Variants in PIK3C2G observed in about 807,000 individuals in gnomAD.
PIK3C2G encodes the protein phosphatidylinositol 3-kinase C2 domain-containing subunit gamma.
A neutral mutation model predicts 181.1 loss-of-function variants in PIK3C2G; 168 were observed. That is an observed-to-expected ratio of 0.93 (90% CI 0.82 to 1.05). PIK3C2G has a LOEUF of 1.05. PIK3C2G is among the 50% of genes least tolerant of loss of function. The pLI, the probability that PIK3C2G is intolerant of heterozygous loss-of-function variation, is 0.00. For synonymous variants in PIK3C2G, 573 were observed against 592.2 expected (o/e 0.97, Z 0.47); for missense variants, 1,869 against 1,732.8 (o/e 1.08, Z -1.40).
chr12:18,652,238 C>T (rs980547), downstream of PIK3C2G, among the ~76,000 whole-genome samples: 9 of 151,926 alleles, frequency 5.9e-5, no homozygotes, highest in East Asian at 1.2e-3. Context: ...TCCCCTAATT[C>T]GCCAGTCCCA....
At chr12:18,449,474 C>A (rs1487269761) in intron 18 of PIK3C2G, among the ~76,000 whole-genome samples, 1 of 151,906 alleles carries the variant, frequency 6.6e-6, no homozygotes, top group Non-Finnish European at 1.5e-5. Flanking sequence ...CACAACAGGC[C>A]CCAATGTGTG....
chr12:18,530,543 A>G (rs1237489805), intron 24 of PIK3C2G, among the ~76,000 whole-genome samples: 1 of 152,088 alleles, frequency 6.6e-6, no homozygotes, highest in Non-Finnish European at 1.5e-5. Context: ...ATCCATAACC[A>G]CTTGATCTGG....
chr12:18,345,297 A>G (rs529439912), intron 10 of PIK3C2G, among the ~76,000 whole-genome samples: 25 of 152,286 alleles, frequency 1.6e-4, no homozygotes, highest in African/African-American at 5.8e-4. Context: ...CGCTTCATTA[A>G]TTGCTACTGC....
chr12:18,675,101 A>G, the PIK3C2G span, among the ~76,000 whole-genome samples: 4 of 152,308 alleles, frequency 2.6e-5, no homozygotes, highest in East Asian at 5.8e-4. Flanking sequence ...AATGTGATTA[A>G]TAATGTGGCT....
the PIK3C2G span, among the ~76,000 whole-genome samples, chr12:18,708,345 C>G: frequency 6.6e-6 from 1 of 152,054 alleles, no homozygotes; most frequent in East Asian, 1.9e-4. Context: ...ATGGAAAGAT[C>G]TCATTCTTTG....
intron 5 of PIK3C2G, among the ~76,000 whole-genome samples, chr12:18,307,003 G>A (rs753735563): frequency 2.7e-5 from 4 of 150,172 alleles, no homozygotes; most frequent in Non-Finnish European, 5.9e-5. Flanking sequence ...AAAGAGCATC[G>A]CTTTTAAATG....
At chr12:18,677,179 A>T in the PIK3C2G span, among the ~76,000 whole-genome samples, 1 of 152,098 alleles carries the variant, frequency 6.6e-6, no homozygotes, top group Non-Finnish European at 1.5e-5. Flanking sequence ...CCAACAGCAG[A>T]TCCTGGTCAG....
At chr12:18,616,460 C>T (rs896139487) in intron 31 of PIK3C2G, among the ~76,000 whole-genome samples, 2 of 152,010 alleles carry the variant, frequency 1.3e-5, no homozygotes, top group Admixed American at 6.6e-5. Context: ...ATACTTGACA[C>T]TAAACTAAGG....
At chr12:18,281,039 C>G (rs1949191220) in intron 1 of PIK3C2G, among the ~76,000 whole-genome samples, 1 of 151,806 alleles carries the variant, frequency 6.6e-6, no homozygotes, top group Middle Eastern at 3.4e-3. Context: ...GGAATAAGAG[C>G]AGATTCTTGG....
intron 29 of PIK3C2G, among the ~76,000 whole-genome samples, chr12:18,579,387 A>G (rs1201459600): frequency 6.6e-6 from 1 of 152,198 alleles, no homozygotes; most frequent in Non-Finnish European, 1.5e-5. Flanking sequence ...AAGCAGTCTT[A>G]CTTTTGCCAA....
At chr12:18,499,959 T>C (rs1334096968) in intron 22 of PIK3C2G, among the ~76,000 whole-genome samples, 1 of 152,232 alleles carries the variant, frequency 6.6e-6, no homozygotes, top group Non-Finnish European at 1.5e-5. Context: ...CTGCTATAAA[T>C]ACCTGTGAGA....
intron 18 of PIK3C2G, among the ~76,000 whole-genome samples, chr12:18,473,151 T>C (rs1938612825): frequency 6.6e-6 from 1 of 152,072 alleles, no homozygotes; most frequent in African/African-American, 2.4e-5. Context: ...TGGGGGTGCA[T>C]GTTGAGGAAG....
intron 18 of PIK3C2G, among the ~76,000 whole-genome samples, chr12:18,487,653 G>A (rs1278062698): frequency 6.6e-6 from 1 of 152,070 alleles, no homozygotes; most frequent in African/African-American, 2.4e-5. Context: ...ATCTTGCAAT[G>A]TTTTCTCACT....
At chr12:18,641,000 T>A (rs930460731) in intron 32 of PIK3C2G, among the ~76,000 whole-genome samples, 3 of 152,014 alleles carry the variant, frequency 2.0e-5, no homozygotes, top group Admixed American at 2.0e-4. Context: ...TATAAATAGC[T>A]CTCTAATTTA....
At chr12:18,381,998 C>T in intron 14 of PIK3C2G, 118 bp downstream of exon 14, 1 of 673,568 alleles carries the variant, frequency 1.5e-6, no homozygotes, top group Non-Finnish European at 2.7e-6. Flanking sequence ...CCTTCTCTGC[C>T]TCCAGCCTTC....
intron 1 of PIK3C2G, among the ~76,000 whole-genome samples, chr12:18,256,279 G>A (rs1461774041): frequency 6.6e-6 from 1 of 151,858 alleles, no homozygotes; most frequent in Non-Finnish European, 1.5e-5. Flanking sequence ...ACCTTAGTCT[G>A]CTTTTGATCT....
At chr12:18,559,807 TATATATATATATATAGAGAGAGAGAGAG>T (rs1179305042) in intron 26 of PIK3C2G, among the ~76,000 whole-genome samples, 619 of 41,574 alleles carry the variant, frequency 0.015, 1 homozygote, top group Non-Finnish European at 0.021. Context: ...TATATATATA[TATATATATATATATAGAGAGAGAGAGAG>T]AGAGAGAGAG....
the PIK3C2G span, chr12:18,723,598 G>T: frequency 1.6e-6 from 2 of 1,257,220 alleles, no homozygotes; most frequent in South Asian, 1.2e-5. Flanking sequence ...TACATAAAAT[G>T]AATATTAGAG....
At chr12:18,440,582 T>G (rs1051145218) in intron 18 of PIK3C2G, among the ~76,000 whole-genome samples, 4 of 152,076 alleles carry the variant, frequency 2.6e-5, no homozygotes, top group South Asian at 4.1e-4. Context: ...AGGAAGAGGA[T>G]GCCAGGAAGA....
Sources: allele counts gnomAD v4.1 joint callset (sites outside exome capture counted in the v4.1 genomes callset), GRCh38; gene constraint gnomAD v4.1.1; transcripts MANE v1.5; gene names NCBI Gene and HGNC (gene_info 2026-07-23, HGNC 2026-07-21).